The following ADAM23 variants were observed in gnomAD, a reference collection of about 807,000 sequenced individuals.
ADAM23 encodes disintegrin and metalloproteinase domain-containing protein 23.
A neutral mutation model predicts 120.1 loss-of-function variants in ADAM23; 33 were observed. That is an observed-to-expected ratio of 0.27 (90% CI 0.21 to 0.37). The LOEUF is 0.37. Ranked by LOEUF, ADAM23 falls within the 10% of genes least tolerant of loss-of-function variation. The probability of loss-of-function intolerance (pLI) is 1.00; values close to 1 mark genes in which losing one functional copy is unlikely to be tolerated. For missense variants in ADAM23, 862 were observed against 1,058.2 expected (o/e 0.81, Z 2.57); for synonymous variants, 367 against 375.2 (o/e 0.98, Z 0.25).
chr2:206,570,839 C>T (rs1182878606), intron 16 of ADAM23, 28 bp downstream of exon 16: 4 of 1,585,652 alleles, frequency 2.5e-6, no homozygotes, highest in South Asian at 1.1e-5. Context: ...TCTATACTTA[C>T]AGCACAGATC....
At chr2:206,595,977 G>A (rs1023482995) in intron 23 of ADAM23, 74 bp from the exon 24 acceptor site, 1 of 1,187,916 alleles carries the variant, frequency 8.4e-7, no homozygotes. Flanking sequence ...CTGCCCCCGT[G>A]TCTCTTTTAC....
chr2:206,570,344 G>T (rs1697970929), intron 15 of ADAM23, among the ~76,000 whole-genome samples: 1 of 151,986 alleles, frequency 6.6e-6, no homozygotes, highest in Non-Finnish European at 1.5e-5. Context: ...CAGTTTTTAT[G>T]GCTTCTCAGC....
intron 3 of ADAM23, among the ~76,000 whole-genome samples, chr2:206,491,229 T>G (rs1696128396): frequency 6.6e-6 from 1 of 151,996 alleles, no homozygotes; most frequent in Non-Finnish European, 1.5e-5. Context: ...AGCACCAGGC[T>G]AGAGAAATGA....
chr2:206,464,939 G>A (rs900300153), intron 2 of ADAM23, among the ~76,000 whole-genome samples: 4 of 151,960 alleles, frequency 2.6e-5, no homozygotes, highest in African/African-American at 9.7e-5. Flanking sequence ...TTAGGAATAT[G>A]GCAACTGTTA....
intron 3 of ADAM23, among the ~76,000 whole-genome samples, chr2:206,513,057 T>C (rs936956737): frequency 3.3e-5 from 5 of 152,122 alleles, no homozygotes; most frequent in Non-Finnish European, 1.5e-5. Context: ...CCCTTCTCTC[T>C]CCCTCTCTGG....
chr2:206,445,608 A>G (rs1695067678), intron 2 of ADAM23, 84 bp downstream of exon 2: 1 of 1,175,442 alleles, frequency 8.5e-7, no homozygotes, highest in Non-Finnish European at 1.2e-6. Flanking sequence ...CTGAGTTCAC[A>G]AATTTTACTG....
intron 13 of ADAM23, 34 bp from the exon 14 acceptor site, chr2:206,564,986 T>C (rs768215609): frequency 6.2e-7 from 1 of 1,611,604 alleles, no homozygotes; most frequent in South Asian, 1.1e-5. Flanking sequence ...TGTTTCCTTT[T>C]TCTTCTGTTG....
intron 2 of ADAM23, among the ~76,000 whole-genome samples, 194 bp downstream of exon 2, chr2:206,445,718 G>A (rs1663648895): frequency 6.6e-6 from 1 of 152,190 alleles, no homozygotes. Context: ...TCTCTTCTCT[G>A]ACTAAACTGG....
chr2:206,580,377 T>C (rs529501804), intron 18 of ADAM23, among the ~76,000 whole-genome samples: 1 of 152,336 alleles, frequency 6.6e-6, no homozygotes, highest in Admixed American at 6.5e-5. Flanking sequence ...TTTTATTACA[T>C]TGAGGTATGT....
rs920237334 is a variant in ADAM23 at position 206,564,895 on chromosome 2, C to T, written c.1346-125C>T. 66 of 981,982 alleles carry T rather than the reference C, an allele frequency of 6.7e-5. No homozygotes were observed. The South Asian group carries it at 7.7e-4, about 12-fold the overall frequency. The allele number at this position is 981,982 out of a possible 1,614,324, so 60.8% of individuals were successfully genotyped here. On this transcript the variant is annotated intron_variant, in intron 13 of 25. Coordinates refer to ENST00000264377, the MANE Select transcript of ADAM23 (RefSeq NM_003812.4). ...TTTTGTTCTGTAAGACTTCACATTC[C>T]GTGTCTATTTGACTGACATGGAATT...
intron 2 of ADAM23, among the ~76,000 whole-genome samples, chr2:206,458,617 T>G (rs1328704442): frequency 6.6e-6 from 1 of 152,210 alleles, no homozygotes; most frequent in African/African-American, 2.4e-5. Flanking sequence ...GGCTTGGATA[T>G]TAGGCATTTT....
intron 3 of ADAM23, among the ~76,000 whole-genome samples, chr2:206,486,366 C>T (rs1696013715): frequency 6.6e-6 from 1 of 150,514 alleles, no homozygotes; most frequent in Non-Finnish European, 1.5e-5. Flanking sequence ...GTCAAACAAG[C>T]ATTTTAGATA....
chr2:206,510,283 A>G (rs1696595516), intron 3 of ADAM23, among the ~76,000 whole-genome samples: 1 of 152,234 alleles, frequency 6.6e-6, no homozygotes. Flanking sequence ...TCAGACAAAT[A>G]CTGTATTTCT....
rs990392552 is a variant in ADAM23 at position 206,476,138 on chromosome 2, A to G, written c.433-5094A>G. ...GTAGCCCTCTTCTTTACGAAGTTGAATGTGAATCATTCCACTGGTGTTTGC... is the reference window on the plus strand; with the variant it reads ...GTAGCCCTCTTCTTTACGAAGTTGAGTGTGAATCATTCCACTGGTGTTTGC... On this transcript the variant is annotated intron_variant, in intron 2 of 25. Transcript: ENST00000264377. Among the ~76,000 whole-genome samples, 12 of 152,160 alleles carry G rather than the reference A, an allele frequency of 7.9e-5. No homozygotes were observed. The East Asian group carries it at 2.3e-3, about 29-fold the overall frequency.
intron 3 of ADAM23, among the ~76,000 whole-genome samples, chr2:206,484,437 G>T (rs1411483358): frequency 6.6e-6 from 1 of 152,060 alleles, no homozygotes; most frequent in Non-Finnish European, 1.5e-5. Context: ...TATTTTATTT[G>T]TATTATTTTT....
chr2:206,514,150 A>G (rs1289581331), intron 3 of ADAM23, among the ~76,000 whole-genome samples: 1 of 152,168 alleles, frequency 6.6e-6, no homozygotes, highest in Non-Finnish European at 1.5e-5. Context: ...AAGTCTTATT[A>G]TTTCAGAAAT....
At chr2:206,461,429 C>T (rs1044973682) in intron 2 of ADAM23, among the ~76,000 whole-genome samples, 2 of 152,106 alleles carry the variant, frequency 1.3e-5, no homozygotes, top group Non-Finnish European at 2.9e-5. Flanking sequence ...GGAGACCAGA[C>T]TATGAGTAGA....
At chr2:206,529,386 T>C (rs1187462286) in intron 3 of ADAM23, among the ~76,000 whole-genome samples, 1 of 152,148 alleles carries the variant, frequency 6.6e-6, no homozygotes, top group African/African-American at 2.4e-5. Flanking sequence ...GTTATTTATT[T>C]ATTTATTTTA....
chr2:206,527,384 G>A (rs1468869279), intron 3 of ADAM23, among the ~76,000 whole-genome samples: 1 of 152,190 alleles, frequency 6.6e-6, no homozygotes, highest in East Asian at 1.9e-4. Flanking sequence ...TCCTGGCTGG[G>A]TGGGGCTGGA....
Sources: gnomAD v4.1 joint callset for allele counts (sites outside exome capture counted in the v4.1 genomes callset) on GRCh38, gnomAD v4.1.1 for gene constraint, MANE v1.5 for transcripts, NCBI Gene and HGNC (gene_info 2026-07-23, HGNC 2026-07-21) for gene names.